APOD: variants seen among roughly 807,000 people sequenced by gnomAD.
The protein encoded by APOD is apolipoprotein D, also known as apo-D.
In APOD, 22 loss-of-function variants were observed where a neutral mutation model predicts 20.4. The observed-to-expected ratio is 1.08, with a 90% CI of 0.77 to 1.54. APOD has a LOEUF of 1.54. Among genes scored for constraint, APOD ranks in the 40% most tolerant of loss-of-function variants. APOD has a pLI of 0.00. For missense variants in APOD, 223 were observed against 229.6 expected, an observed-to-expected ratio of 0.97 and a Z score of 0.19; for synonymous variants, 97 against 92.4, an observed-to-expected ratio of 1.05 and a Z score of -0.29.
intron 3 of APOD, 75 bp downstream of exon 3, chr3:195,573,775 C>T (rs1393506043): frequency 6.4e-7 from 1 of 1,563,216 alleles, no homozygotes; most frequent in Non-Finnish European, 8.7e-7. Context: ...TCCTCCCTGA[C>T]CCAGGCTGCC....
At position 195,569,042 on chromosome 3, in the gene APOD, A is replaced by G. The variant is rs1232885490; in HGVS notation, c.428T>C (p.Val143Ala). 1 of 1,614,148 alleles carries G rather than the reference A, an allele frequency of 6.2e-7. No individual in the cohort carries two copies. Among genetic ancestry groups the G allele is most frequent in the South Asian group, 1.1e-5 (1 of 91,074 alleles). ...SCTCIIQLFH[V>A]DFAWILARNP... Reference sequence around the variant, plus strand: ...TCTTGCCAAGATCCAAGCAAAATCCACGTGAAAAAGTTGGATGATGCAGGT... The same window carrying G: ...TCTTGCCAAGATCCAAGCAAAATCCGCGTGAAAAAGTTGGATGATGCAGGT... The change falls in exon 5 of 5, where the codon GTG becomes GCG. Residue 143 changes from valine (V) to alanine (A), a missense_variant. Physicochemically the swap from Val to Ala is moderately conservative, Grantham distance 64. Coordinates refer to ENST00000343267, the MANE Select transcript of APOD (RefSeq NM_001647.4).
At chr3:195,581,960 G>GGAGTTCAA (rs1720346109) in intron 1 of APOD, among the ~76,000 whole-genome samples, 1 of 151,236 alleles carries the variant, frequency 6.6e-6, no homozygotes, top group Non-Finnish European at 1.5e-5. Flanking sequence ...CCTGAGGTTG[G>GGAGTTCAA]GAGTTCAAGA....
intron 2 of APOD, among the ~76,000 whole-genome samples, chr3:195,574,687 A>C (rs1399262383): frequency 1.3e-5 from 2 of 152,194 alleles, no homozygotes; most frequent in Admixed American, 1.3e-4. Context: ...CATCCTCCTG[A>C]TATAAGAAAT....
intron 1 of APOD, chr3:195,583,271 C>T (rs1407756360): frequency 6.6e-6 from 1 of 152,192 alleles, no homozygotes; most frequent in Non-Finnish European, 1.5e-5. Context: ...TCCCACAAGC[C>T]CGCGCTCTTA....
At position 195,571,353 on chromosome 3, in the gene APOD, A is replaced by G. The variant is rs1720156116; in HGVS notation, c.258T>C (p.Thr86=). 1 of 1,613,572 alleles carries G rather than the reference A, an allele frequency of 6.2e-7. No individual in the cohort carries two copies. Among genetic ancestry groups the G allele is most frequent in the Non-Finnish European group, 8.5e-7 (1 of 1,179,760 alleles). ...TGGCTTCACCTTCGATTTGATTCAC[A>G]GTTCCATCAGCTCTGCAGTGAGTTA... is the stretch of plus-strand genomic sequence containing the variant. The part of the protein sequence containing the change: ...VLNQELRADG[T]VNQIEGEATP... Residue 86 remains threonine (T), a synonymous_variant, in exon 4 of 5, where the codon ACT becomes ACC. Coordinates refer to ENST00000343267, the MANE Select transcript of APOD (RefSeq NM_001647.4).
rs1404646336 is a variant in APOD, at chr3:195,571,287, C to G, written c.324G>C (p.Lys108Asn). 2 of 1,613,986 alleles carry G rather than the reference C, an allele frequency of 1.2e-6. No homozygotes were observed. Among genetic ancestry groups the G allele is most frequent in the Non-Finnish European group, 1.7e-6 (2 of 1,180,000 alleles). Residue 108 changes from lysine to asparagine, a missense_variant, in exon 4 of 5, where the codon AAG (lysine) becomes AAC (asparagine). Lys to Asn is a moderately conservative substitution (Grantham distance 94). Coordinates refer to ENST00000343267, the MANE Select transcript of APOD (RefSeq NM_001647.4). ...NLTEPAKLEV[K>N]FSWFMPSAPY... ...AAAGTGGATACTTACACCAGGAAAA[C>G]TTAACTTCCAGCTTGGCAGGCTCTG... is the stretch of plus-strand genomic sequence containing the variant.
rs775747728 is a variant in APOD, at chr3:195,579,405, C to T, written c.57G>A (p.Glu19=). The part of the protein sequence containing the change: ...SALAGLFGAA[E]GQAFHLGKCP... The stretch of plus-strand genomic sequence containing the variant: ...ACTTCCCAAGATGAAATGCTTGTCC[C>T]TCTGCCGCACCGAAGAGGCCAGCCA... Residue 19 remains glutamate (E), a synonymous_variant, in exon 2 of 5, where the codon GAG becomes GAA. Coordinates refer to ENST00000343267, the MANE Select transcript of APOD (RefSeq NM_001647.4). 5.6e-6 allele frequency: 9 copies of T among 1,614,098 alleles called. No individual in the cohort carries two copies. Among genetic ancestry groups the T allele is most frequent in the Admixed American group, 1.7e-5 (1 of 60,012 alleles).
At chr3:195,572,781 G>C (rs556006368) in intron 3 of APOD, among the ~76,000 whole-genome samples, 11 of 152,080 alleles carry the variant, frequency 7.2e-5, no homozygotes, top group Admixed American at 3.3e-4. Context: ...GGAGGCCAAG[G>C]GGGGGCGGAT....
chr3:195,581,798 TAGG>T, intron 1 of APOD, among the ~76,000 whole-genome samples: 1 of 152,354 alleles, frequency 6.6e-6, no homozygotes, highest in African/African-American at 2.4e-5. Flanking sequence ...TTTACCTCAG[TAGG>T]AGGATTTCAG....
At chr3:195,580,487 CT>C (rs1375011071) in intron 1 of APOD, among the ~76,000 whole-genome samples, 1 of 151,958 alleles carries the variant, frequency 6.6e-6, no homozygotes, top group Non-Finnish European at 1.5e-5. Flanking sequence ...TCACTGCAAC[CT>C]CTGTCTCCCG....
chr3:195,578,313 C>G (rs1021098031), intron 2 of APOD, among the ~76,000 whole-genome samples: 1 of 152,088 alleles, frequency 6.6e-6, no homozygotes, highest in African/African-American at 2.4e-5. Flanking sequence ...ATGGCCTCTT[C>G]CTACCACACC....
chr3:195,569,651 T>C (rs1386079740), intron 4 of APOD, among the ~76,000 whole-genome samples: 4 of 152,152 alleles, frequency 2.6e-5, no homozygotes, highest in African/African-American at 9.7e-5. Context: ...TTTGAAAACT[T>C]TGACAGTCTC....
At chr3:195,571,633 G>T (rs1037651553) in intron 3 of APOD, among the ~76,000 whole-genome samples, 1 of 152,096 alleles carries the variant, frequency 6.6e-6, no homozygotes, top group Admixed American at 6.5e-5. Flanking sequence ...GCTCCAGGAT[G>T]GGACAGTATG....
chr3:195,578,262 C>T lies in APOD; in HGVS notation c.123+1077G>A, dbSNP rs185086621. ...AGAGTTACCTGAATAAAGGGATCAG[C>T]CTGTAAGTGGAGCAAGTCAGTGTAG... On this transcript the variant is annotated intron_variant, in intron 2 of 4. Transcript: ENST00000343267. Among the ~76,000 whole-genome samples, 99 of 152,176 alleles carry T rather than the reference C, an allele frequency of 6.5e-4. 1 individual carries two copies. Among genetic ancestry groups the T allele is most frequent in the Admixed American group, 3.6e-3 (55 of 15,276 alleles).
At chr3:195,578,180 C>T (rs1404724604) in intron 2 of APOD, among the ~76,000 whole-genome samples, 1 of 152,022 alleles carries the variant, frequency 6.6e-6, no homozygotes, top group Non-Finnish European at 1.5e-5. Flanking sequence ...TATCCAAAAG[C>T]GAAAGTATAA....
At chr3:195,569,779 C>T (rs1485376865) in intron 4 of APOD, among the ~76,000 whole-genome samples, 1 of 116,612 alleles carries the variant, frequency 8.6e-6, no homozygotes, top group Admixed American at 9.5e-5. Context: ...AGGCCTTCTT[C>T]TTCTTCGTTT....
chr3:195,571,539 A>G (rs1325938703), intron 3 of APOD, among the ~76,000 whole-genome samples, 174 bp from the exon 4 acceptor site: 1 of 152,182 alleles, frequency 6.6e-6, no homozygotes, highest in Non-Finnish European at 1.5e-5. Flanking sequence ...CCCTAGCTCC[A>G]TGGCCTGGCC....
intron 2 of APOD, among the ~76,000 whole-genome samples, 155 bp downstream of exon 2, chr3:195,579,184 A>C (rs4677691): frequency 2.0e-5 from 3 of 152,192 alleles, no homozygotes; most frequent in African/African-American, 7.2e-5. Flanking sequence ...TGCAGTCTTT[A>C]TCTCAGCAGA....
At chr3:195,583,514 C>T (rs570099230) in intron 1 of APOD, among the ~76,000 whole-genome samples, 14 of 152,294 alleles carry the variant, frequency 9.2e-5, no homozygotes, top group Middle Eastern at 3.4e-3. Flanking sequence ...TATTTTACTG[C>T]GATGCACCGT....
Sources: allele counts gnomAD v4.1 joint callset (sites outside exome capture counted in the v4.1 genomes callset), GRCh38; gene constraint gnomAD v4.1.1; transcripts MANE v1.5; gene names NCBI Gene and HGNC (gene_info 2026-07-23, HGNC 2026-07-21).